Variants in RBM39 observed in about 807,000 individuals in gnomAD.
The protein encoded by RBM39 is RNA binding motif protein 39, also known as RNA-binding protein 39.
RBM39 carries 12 observed loss-of-function variants against 79.6 expected under a neutral mutation model. The observed-to-expected ratio is 0.15, with a 90% CI of 0.10 to 0.24. RBM39 has a LOEUF of 0.24. RBM39 is among the 10% of genes least tolerant of loss of function. The pLI is 1.00. For synonymous variants in RBM39, 185 were observed against 208.4 expected, an observed-to-expected ratio of 0.89 and a Z score of 0.97; for missense variants, 243 against 653.4, an observed-to-expected ratio of 0.37 and a Z score of 6.85.
intron 13 of RBM39, chr20:35,707,887 A>G (rs917013493): frequency 9.2e-5 from 43 of 466,670 alleles, no homozygotes; most frequent in African/African-American, 6.2e-4. Flanking sequence ...CAGTTGCTCC[A>G]ATGCTTTCAC....
chr20:35,737,571 T>C (rs1008442743), intron 3 of RBM39, among the ~76,000 whole-genome samples: 4 of 141,642 alleles, frequency 2.8e-5, no homozygotes, highest in African/African-American at 1.1e-4. Context: ...AAAGAAAAAA[T>C]AAAGACAGAG....
chr20:35,710,734 C>T (rs1173142744), intron 12 of RBM39, among the ~76,000 whole-genome samples: 1 of 152,088 alleles, frequency 6.6e-6, no homozygotes, highest in Non-Finnish European at 1.5e-5. Flanking sequence ...ATTTTAATGA[C>T]CACCATCTGG....
intron 9 of RBM39, among the ~76,000 whole-genome samples, chr20:35,721,270 T>C (rs2037903438): frequency 1.3e-5 from 2 of 152,200 alleles, no homozygotes; most frequent in Non-Finnish European, 2.9e-5. Context: ...AACTTTCTTT[T>C]AAAAACAATC....
At chr20:35,736,048 AC>A (rs2039871976) in intron 3 of RBM39, among the ~76,000 whole-genome samples, 1 of 152,218 alleles carries the variant, frequency 6.6e-6, no homozygotes, top group African/African-American at 2.4e-5. Flanking sequence ...GAAGGTCTGT[AC>A]CCAAAAGTGT....
intron 6 of RBM39, among the ~76,000 whole-genome samples, chr20:35,728,438 A>T (rs549447674): frequency 5.4e-4 from 83 of 152,352 alleles, no homozygotes; most frequent in African/African-American, 1.8e-3. Flanking sequence ...AAAAATAATA[A>T]ATGCAAAAAG....
In RBM39 at chr20:35,709,197, AT is replaced by A. The variant is rs2036116725; in HGVS notation, c.1225+26del. 7 of 1,564,810 alleles carry A rather than the reference AT, an allele frequency of 4.5e-6. No homozygotes were observed. In the South Asian group the frequency reaches 8.1e-5, roughly 18 times the overall value. ...ATTTAATTCTATTTCAAAGACAAAAATAAAAAATATGAACACTTCAACTCAC... is the reference window on the plus strand; with the variant it reads ...ATTTAATTCTATTTCAAAGACAAAAAAAAAAATATGAACACTTCAACTCAC... On this transcript the variant is annotated intron_variant, in intron 13 of 16. Coordinates refer to ENST00000253363, the MANE Select transcript of RBM39 (RefSeq NM_184234.3).
At chr20:35,709,529 A>C (rs1359114983) in intron 12 of RBM39, among the ~76,000 whole-genome samples, 1 of 152,116 alleles carries the variant, frequency 6.6e-6, no homozygotes, top group Admixed American at 6.6e-5. Flanking sequence ...TTTTCACTAC[A>C]CTACTATACA....
chr20:35,707,295 C>A, intron 13 of RBM39, 94 bp from the exon 14 acceptor site: 1 of 675,572 alleles, frequency 1.5e-6, no homozygotes, highest in Non-Finnish European at 2.5e-6. Context: ...CCACCCCAAG[C>A]ATGTAACTAG....
intron 8 of RBM39, 122 bp downstream of exon 8, chr20:35,724,448 G>T: frequency 4.5e-5 from 33 of 731,000 alleles, no homozygotes; most frequent in Non-Finnish European, 5.6e-5. Flanking sequence ...AAAAAAAAAA[G>T]TCCTGAAAAC....
intron 9 of RBM39, among the ~76,000 whole-genome samples, chr20:35,721,449 A>C (rs1334191617): frequency 6.6e-6 from 1 of 152,142 alleles, no homozygotes; most frequent in Non-Finnish European, 1.5e-5. Flanking sequence ...TCAGCACCCC[A>C]AGTAGCTGGG....
intron 12 of RBM39, among the ~76,000 whole-genome samples, chr20:35,711,821 A>G (rs2036454330): frequency 6.6e-6 from 1 of 152,196 alleles, no homozygotes. Context: ...CTATCTTCTC[A>G]GTTACAGTCT....
chr20:35,707,066 A>G, intron 14 of RBM39, 54 bp downstream of exon 14: 1 of 1,032,024 alleles, frequency 9.7e-7, no homozygotes, highest in South Asian at 1.7e-5. Context: ...AATATATAAA[A>G]CAACTCTATT....
chr20:35,710,830 G>A (rs1439547353), intron 12 of RBM39, among the ~76,000 whole-genome samples: 1 of 152,088 alleles, frequency 6.6e-6, no homozygotes, highest in Non-Finnish European at 1.5e-5. Context: ...TAATAAAACA[G>A]AATGATCTTT....
chr20:35,741,702 C>G (rs920891896), intron 1 of RBM39: 11 of 152,108 alleles, frequency 7.2e-5, no homozygotes, highest in African/African-American at 2.7e-4. Context: ...CGCGGCCGGC[C>G]CAGGCCTCGA....
At chr20:35,737,389 CAAAAAA>C (rs58047560) in intron 3 of RBM39, among the ~76,000 whole-genome samples, 1 of 62,256 alleles carries the variant, frequency 1.6e-5, no homozygotes, top group Non-Finnish European at 3.3e-5. Context: ...AACTCCATCT[CAAAAAA>C]AAAAAAAAAA....
In RBM39 at chr20:35,702,512, T is replaced by C. The variant is rs1439037122; in HGVS notation, c.*1969A>G. 1 of 152,172 alleles carries C rather than the reference T, an allele frequency of 6.6e-6. No homozygotes were observed. Among genetic ancestry groups the C allele is most frequent in the Non-Finnish European group, 1.5e-5 (1 of 68,036 alleles). The allele number at this position is 152,172 out of a possible 1,614,324, so 9.4% of individuals were successfully genotyped here. The stretch of plus-strand genomic sequence containing the variant: ...GCTGGTCCAGTTCCCTAGAAAGCAA[T>C]GACACAACAAATTTGTTAGGAAGAC... On this transcript the variant is annotated 3_prime_UTR_variant, in exon 17 of 17. Transcript: ENST00000253363.
In RBM39 at chr20:35,705,310, T is replaced by G; in HGVS notation, c.1328A>C (p.Asp443Ala). The change falls in exon 15 of 17, where the codon GAT becomes GCT. Residue 443 changes from aspartate to alanine, a missense_variant. By Grantham distance (126) the Asp-to-Ala change is moderately radical. Coordinates refer to ENST00000253363, the MANE Select transcript of RBM39 (RefSeq NM_184234.3). ...AATCACATCATCCTTAATCTCGGTA[T>G]CCCATCCAACTTCTTCTTCTCTGTA... ...NPQTEEEVGW[D>A]TEIKDDVIEE... 1 of 1,588,200 alleles carries G rather than the reference T, an allele frequency of 6.3e-7. No individual in the cohort carries two copies. Among genetic ancestry groups the G allele is most frequent in the East Asian group, 2.3e-5 (1 of 43,782 alleles).
chr20:35,713,694 A>ACCCC, intron 11 of RBM39: 1 of 147,346 alleles, frequency 6.8e-6, no homozygotes, highest in Non-Finnish European at 1.5e-5. Context: ...AAAAAAAAAA[A>ACCCC]AAACCACCAC....
At chr20:35,726,810 T>C (rs2038752044) in intron 6 of RBM39, among the ~76,000 whole-genome samples, 1 of 152,064 alleles carries the variant, frequency 6.6e-6, no homozygotes, top group Admixed American at 6.6e-5. Flanking sequence ...TCGCTCCACC[T>C]GTAAGATTTG....
Sources: gnomAD v4.1 joint callset for allele counts (sites outside exome capture counted in the v4.1 genomes callset) on GRCh38, gnomAD v4.1.1 for gene constraint, MANE v1.5 for transcripts, NCBI Gene and HGNC (gene_info 2026-07-23, HGNC 2026-07-21) for gene names.